The following XKR4 variants were observed in gnomAD, a reference collection of about 807,000 sequenced individuals.
XKR4 encodes XK related 4, also known as XK-related protein 4.
A neutral mutation model predicts 53.9 loss-of-function variants in XKR4; 12 were observed. The ratio of observed to expected loss-of-function variants is 0.22; its 90% CI spans 0.14 to 0.36. XKR4 has a LOEUF of 0.36. Ranked by LOEUF, XKR4 falls within the 10% of genes least tolerant of loss-of-function variation. XKR4 has a pLI of 1.00. For synonymous variants in XKR4, 354 were observed against 362.4 expected (o/e 0.98, Z 0.26); for missense variants, 799 against 859.5 (o/e 0.93, Z 0.88).
chr8:55,154,049 A>G (rs1816874241), intron 1 of XKR4, among the ~76,000 whole-genome samples: 1 of 152,214 alleles, frequency 6.6e-6, no homozygotes, highest in Non-Finnish European at 1.5e-5. Flanking sequence ...GGCACAGATT[A>G]GAGAGTATAT....
intron 2 of XKR4, among the ~76,000 whole-genome samples, chr8:55,466,927 G>T (rs890508476): frequency 4.6e-5 from 7 of 152,112 alleles, no homozygotes; most frequent in African/African-American, 1.7e-4. Context: ...TTTTGATTTT[G>T]CAAAACAAAT....
chr8:55,325,039 T>C (rs1347255206), intron 1 of XKR4, among the ~76,000 whole-genome samples: 3 of 152,248 alleles, frequency 2.0e-5, no homozygotes, highest in African/African-American at 7.2e-5. Context: ...TCTATTTCTT[T>C]TACATACCTT....
intron 1 of XKR4, among the ~76,000 whole-genome samples, chr8:55,248,227 A>G (rs1307262844): frequency 1.3e-5 from 2 of 152,170 alleles, no homozygotes; most frequent in African/African-American, 2.4e-5. Context: ...AACATTTATC[A>G]TTCATCACAA....
In XKR4 at chr8:55,412,110, C is replaced by T. The variant is rs201731995; in HGVS notation, c.1006+54233C>T. Among the ~76,000 whole-genome samples the T allele has an allele frequency of 1.1e-4, 16 of 152,216 alleles. 1 individual carries two copies. Among genetic ancestry groups the T allele is most frequent in the Middle Eastern group, 6.8e-3 (2 of 294 alleles). ...AGCAGGAAAGGGGCATCAGGGTGGACGCTGATTTCCATGGGGTCCTGGAGA... is the reference window on the plus strand; with the variant it reads ...AGCAGGAAAGGGGCATCAGGGTGGATGCTGATTTCCATGGGGTCCTGGAGA... On this transcript the variant is annotated intron_variant, in intron 2 of 2. Coordinates refer to ENST00000327381, the MANE Select transcript of XKR4 (RefSeq NM_052898.2).
intron 1 of XKR4, among the ~76,000 whole-genome samples, chr8:55,134,626 T>C (rs1223676696): frequency 2.0e-5 from 3 of 152,246 alleles, no homozygotes; most frequent in African/African-American, 7.2e-5. Context: ...GGCTTCTGCC[T>C]TTATCACTGC....
At chr8:55,345,837 G>A (rs1037257239) in intron 1 of XKR4, among the ~76,000 whole-genome samples, 16 of 152,100 alleles carry the variant, frequency 1.1e-4, no homozygotes, top group African/African-American at 3.6e-4. Flanking sequence ...CTCTCAGGGT[G>A]GAAGACAGCC....
chr8:55,293,489 A>G (rs1353177800), intron 1 of XKR4, among the ~76,000 whole-genome samples: 6 of 152,212 alleles, frequency 3.9e-5, no homozygotes, highest in African/African-American at 7.2e-5. Flanking sequence ...ATGATTAGCT[A>G]CATTATGGGG....
At chr8:55,150,305 T>C (rs1442743275) in intron 1 of XKR4, among the ~76,000 whole-genome samples, 1 of 152,232 alleles carries the variant, frequency 6.6e-6, no homozygotes, top group East Asian at 1.9e-4. Flanking sequence ...AAATCTGTGC[T>C]TATAAGTAAA....
At chr8:55,415,419 C>G (rs905802628) in intron 2 of XKR4, among the ~76,000 whole-genome samples, 1 of 152,098 alleles carries the variant, frequency 6.6e-6, no homozygotes, top group African/African-American at 2.4e-5. Context: ...AAGCTAAATA[C>G]ATAACAGCAA....
chr8:55,284,340 G>A (rs1310290875), intron 1 of XKR4, among the ~76,000 whole-genome samples: 1 of 151,716 alleles, frequency 6.6e-6, no homozygotes, highest in African/African-American at 2.4e-5. Flanking sequence ...AATTTCCATG[G>A]GCCCGAAATT....
chr8:55,207,398 A>G (rs897497152), intron 1 of XKR4, among the ~76,000 whole-genome samples: 1 of 152,104 alleles, frequency 6.6e-6, no homozygotes, highest in African/African-American at 2.4e-5. Flanking sequence ...GCATCTCCCC[A>G]ACCCTAATTA....
intron 2 of XKR4, among the ~76,000 whole-genome samples, chr8:55,411,819 G>T (rs1464427686): frequency 1.3e-5 from 2 of 152,080 alleles, no homozygotes; most frequent in Non-Finnish European, 2.9e-5. Context: ...AGCCCCTCAG[G>T]CCCAGCACTG....
intron 1 of XKR4, among the ~76,000 whole-genome samples, chr8:55,291,223 CTG>C (rs1819013732): frequency 2.0e-5 from 3 of 152,156 alleles, no homozygotes; most frequent in African/African-American, 7.2e-5. Flanking sequence ...TCCATTATCT[CTG>C]TGTCTACTCT....
intron 2 of XKR4, among the ~76,000 whole-genome samples, chr8:55,517,945 C>G (rs1806740400): frequency 6.6e-6 from 1 of 152,178 alleles, no homozygotes; most frequent in Non-Finnish European, 1.5e-5. Flanking sequence ...TTCTCACCAG[C>G]TGCAATTTGG....
intron 1 of XKR4, among the ~76,000 whole-genome samples, chr8:55,149,284 A>G (rs1437960277): frequency 3.3e-5 from 5 of 152,182 alleles, no homozygotes; most frequent in Non-Finnish European, 7.3e-5. Context: ...TTAGTCAACT[A>G]GTTCTCTCTT....
chr8:55,293,890 T>C (rs1373950769), intron 1 of XKR4, among the ~76,000 whole-genome samples: 2 of 152,170 alleles, frequency 1.3e-5, no homozygotes, highest in South Asian at 4.1e-4. Context: ...AACCATCCAG[T>C]CTTGATTTAT....
chr8:55,299,299 G>C (rs4541881), intron 1 of XKR4, among the ~76,000 whole-genome samples: 36,193 of 152,082 alleles, frequency 0.24, 4,767 homozygotes, highest in East Asian at 0.53. Flanking sequence ...ACAAGGCTGA[G>C]AGAACAAGAG....
intron 1 of XKR4, among the ~76,000 whole-genome samples, chr8:55,200,457 T>C (rs1369483989): frequency 6.6e-6 from 1 of 152,222 alleles, no homozygotes; most frequent in African/African-American, 2.4e-5. Context: ...TATTCAGAAC[T>C]TTTGGTGGAT....
intron 2 of XKR4, chr8:55,454,809 G>C (rs1455705026): frequency 1.3e-6 from 1 of 770,186 alleles, no homozygotes. Flanking sequence ...GGCAGGCTCT[G>C]TGGGCGACAG....
Sources: gnomAD v4.1 joint callset for allele counts (sites outside exome capture counted in the v4.1 genomes callset) on GRCh38, gnomAD v4.1.1 for gene constraint, MANE v1.5 for transcripts, NCBI Gene and HGNC (gene_info 2026-07-23, HGNC 2026-07-21) for gene names.